MBTD1: variants seen among roughly 807,000 people sequenced by gnomAD.
The protein encoded by MBTD1 is mbt domain containing 1.
MBTD1 carries 24 observed loss-of-function variants against 87.8 expected under a neutral mutation model. The observed-to-expected ratio is 0.27, with a 90% confidence interval of 0.20 to 0.38. The LOEUF (loss-of-function observed/expected upper bound fraction) is 0.38, where lower values mean the gene tolerates loss of function less well. Among genes scored for constraint, MBTD1 ranks in the 10% least tolerant of loss-of-function variants. The pLI is 1.00. For synonymous variants in MBTD1, 237 were observed against 248.6 expected, an observed-to-expected ratio of 0.95 and a Z score of 0.44; for missense variants, 436 against 760.2, an observed-to-expected ratio of 0.57 and a Z score of 5.02.
chr17:51,258,282 T>C (rs1432739743), intron 2 of MBTD1, among the ~76,000 whole-genome samples: 1 of 152,184 alleles, frequency 6.6e-6, no homozygotes, highest in Non-Finnish European at 1.5e-5. Flanking sequence ...GTAATAGGTA[T>C]ATCCAAGATT....
chr17:51,210,692 G>A (rs1038103525), intron 6 of MBTD1, among the ~76,000 whole-genome samples: 7 of 151,780 alleles, frequency 4.6e-5, no homozygotes, highest in Non-Finnish European at 8.8e-5. Flanking sequence ...GGAGGCAGAG[G>A]CTGCAGTGAG....
chr17:51,212,974 T>C (rs1488415215), intron 6 of MBTD1, among the ~76,000 whole-genome samples: 6 of 152,312 alleles, frequency 3.9e-5, no homozygotes, highest in East Asian at 1.9e-4. Context: ...GTGATCCGCC[T>C]GCCTCGGCCT....
At chr17:51,244,437 A>G (rs1453729027) in intron 2 of MBTD1, among the ~76,000 whole-genome samples, 2 of 151,822 alleles carry the variant, frequency 1.3e-5, no homozygotes, top group Non-Finnish European at 2.9e-5. Context: ...TTTTTTCCTG[A>G]GACAGTCTCC....
Position 51,246,261 on chromosome 17 carries a change from TA to T in MBTD1, c.-49+12881del, listed in dbSNP as rs1032305885. Among the ~76,000 whole-genome samples, 7 of 152,262 alleles carry T rather than the reference TA, an allele frequency of 4.6e-5. 1 individual carries two copies. In the East Asian group the frequency reaches 9.6e-4, roughly 21 times the overall value. ...AGCCTGAAGATAATTTTATACAGTATAAAAAAAATTTTGTGCATCAAGTAAG... is the reference window on the plus strand; with the variant it reads ...AGCCTGAAGATAATTTTATACAGTATAAAAAAATTTTGTGCATCAAGTAAG... On this transcript the variant is annotated intron_variant, in intron 2 of 16. Coordinates refer to ENST00000586178, the MANE Select transcript of MBTD1 (RefSeq NM_017643.3).
chr17:51,179,500 A>ATATATATATTTATATT lies in MBTD1; in HGVS notation c.*1075_*1076insAATATAAATATATATA, dbSNP rs2050215536. 16 of 58,530 alleles carry ATATATATATTTATATT rather than the reference A, an allele frequency of 2.7e-4. No individual in the cohort carries two copies. The highest frequency in any genetic ancestry group is 1.4e-3 in the African/African-American group (16 of 11,400). 3.6% of individuals were successfully genotyped at this position (58,530 alleles called of 1,614,324 possible). Reference sequence around the variant, plus strand: ...AAGACAATTTTATATATATATATATATATATATATATATATATATATATAT... The same window carrying ATATATATATTTATATT: ...AAGACAATTTTATATATATATATATATATATATATTTATATTTATATATATATATATATATATATAT... On this transcript the variant is annotated 3_prime_UTR_variant, in exon 17 of 17. Coordinates refer to ENST00000586178, the MANE Select transcript of MBTD1 (RefSeq NM_017643.3).
At chr17:51,260,902 G>T (rs1427398148), upstream of MBTD1, 1 of 1,593,322 alleles carries the variant, frequency 6.3e-7, no homozygotes. Context: ...AGGACGCGTT[G>T]CTGCGGCGTC....
chr17:51,199,207 C>T (rs983803376), intron 12 of MBTD1, among the ~76,000 whole-genome samples: 13 of 151,750 alleles, frequency 8.6e-5, no homozygotes, highest in Non-Finnish European at 5.9e-5. Context: ...CAAGCATTCT[C>T]CTGCCTCAGC....
rs1568136023 is a variant in MBTD1 at position 51,179,510 on chromosome 17, A to ATATATATT, written c.*1065_*1066insAATATATA. 1.5e-4 allele frequency: 14 copies of ATATATATT among 95,728 alleles called. No individual in the cohort carries two copies. Among genetic ancestry groups the ATATATATT allele is most frequent in the South Asian group, 3.2e-4 (1 of 3,080 alleles). 5.9% of individuals were successfully genotyped at this position (95,728 alleles called of 1,614,324 possible). A position where few individuals can be genotyped will look rare whatever the true frequency, so the allele number is the denominator to read the frequency against. On this transcript the variant is annotated 3_prime_UTR_variant, in exon 17 of 17. Coordinates refer to ENST00000586178, the MANE Select transcript of MBTD1 (RefSeq NM_017643.3). ...TATATATATATATATATATATATATATATATATATATATATATATATATAT... is the reference window on the plus strand; with the variant it reads ...TATATATATATATATATATATATATATATATATTTATATATATATATATATATATATAT...
At chr17:51,200,889 C>T (rs963067186) in intron 12 of MBTD1, among the ~76,000 whole-genome samples, 3 of 150,892 alleles carry the variant, frequency 2.0e-5, no homozygotes, top group Admixed American at 1.3e-4. Context: ...TGCTGGGTGC[C>T]GTGGCTCATG....
intron 1 of MBTD1, among the ~76,000 whole-genome samples, 183 bp downstream of exon 1, chr17:51,259,652 G>T (rs1197635075): frequency 6.8e-6 from 1 of 146,668 alleles, no homozygotes; most frequent in Non-Finnish European, 1.5e-5. Context: ...GGGGTGGGGG[G>T]AGGGGAACCC....
intron 2 of MBTD1, among the ~76,000 whole-genome samples, chr17:51,254,497 C>T (rs2054969876): frequency 6.6e-6 from 1 of 151,936 alleles, no homozygotes; most frequent in Admixed American, 6.6e-5. Context: ...GGAAAAGTAC[C>T]CAGGAGAATG....
chr17:51,214,270 G>A (rs745559812), intron 6 of MBTD1, among the ~76,000 whole-genome samples: 1 of 152,018 alleles, frequency 6.6e-6, no homozygotes, highest in African/African-American at 2.4e-5. Context: ...CCCAGCCTAA[G>A]TAGAAATATT....
intron 12 of MBTD1, among the ~76,000 whole-genome samples, chr17:51,199,870 G>A (rs1420753701): frequency 6.6e-6 from 1 of 151,392 alleles, no homozygotes; most frequent in Non-Finnish European, 1.5e-5. Context: ...TGTCACCCAG[G>A]CTGGAGTGCA....
intron 16 of MBTD1, among the ~76,000 whole-genome samples, chr17:51,190,031 G>A (rs1028005450): frequency 1.8e-4 from 27 of 152,172 alleles, no homozygotes; most frequent in Admixed American, 1.8e-3. Context: ...CATGGGTTTT[G>A]TGCTGGGAGA....
In MBTD1 at chr17:51,259,977, GACCGGTGGCGGGT is replaced by G; in HGVS notation, c.-268_-256del. 1.2e-6 allele frequency: 1 copy of G among 862,568 alleles called. No homozygotes were observed. The highest frequency in any genetic ancestry group is 1.5e-6 in the Non-Finnish European group (1 of 650,772). 53.4% of individuals were successfully genotyped at this position (862,568 alleles called of 1,614,324 possible). On this transcript the variant is annotated 5_prime_UTR_variant, in exon 1 of 17. Coordinates refer to ENST00000586178, the MANE Select transcript of MBTD1 (RefSeq NM_017643.3). Reference sequence around the variant, plus strand: ...TACAGGGGGCCCCCGGCTGGGCCCAGACCGGTGGCGGGTGCAGCAGCCCCCGGATTTCCCCCCT... The same window carrying G: ...TACAGGGGGCCCCCGGCTGGGCCCAGGCAGCAGCCCCCGGATTTCCCCCCT...
At chr17:51,253,479 C>CA (rs2144243178) in intron 2 of MBTD1, among the ~76,000 whole-genome samples, 1 of 152,100 alleles carries the variant, frequency 6.6e-6, no homozygotes, top group South Asian at 2.1e-4. Flanking sequence ...AAATAAATCA[C>CA]AATATATAGT....
rs776836227 is a variant in MBTD1 at position 51,202,799 on chromosome 17, C to T, written c.965G>A (p.Ser322Asn). 6.8e-6 allele frequency: 11 copies of T among 1,613,998 alleles called. No homozygotes were observed. The highest frequency in any genetic ancestry group is 5.0e-5 in the Admixed American group (3 of 59,992). ...GGRLRLVYEE[S>N]EDRTDDFWCH... ...CCAGAAGTCATCTGTTCTATCTTCG[C>T]TTTCTTCATACACTAGTCTTAATCT... is the stretch of plus-strand genomic sequence containing the variant. Residue 322 changes from serine to asparagine, a missense_variant, in exon 10 of 17, where the codon AGC (serine) becomes AAC (asparagine). Physicochemically the swap from Ser to Asn is conservative, Grantham distance 46. Coordinates refer to ENST00000586178, the MANE Select transcript of MBTD1 (RefSeq NM_017643.3).
At chr17:51,207,960 G>T (rs1407029197) in intron 6 of MBTD1, among the ~76,000 whole-genome samples, 6 of 152,140 alleles carry the variant, frequency 3.9e-5, no homozygotes, top group African/African-American at 1.4e-4. Flanking sequence ...ATTATGTGAG[G>T]TTATAAAAGA....
chr17:51,244,610 A>G (rs1340874276), intron 2 of MBTD1, among the ~76,000 whole-genome samples: 2 of 151,962 alleles, frequency 1.3e-5, no homozygotes, highest in Admixed American at 1.3e-4. Flanking sequence ...GTTTCACCAT[A>G]TTGACCAGGC....
Sources: gnomAD v4.1 joint callset for allele counts (sites outside exome capture counted in the v4.1 genomes callset) on GRCh38, gnomAD v4.1.1 for gene constraint, MANE v1.5 for transcripts, NCBI Gene and HGNC (gene_info 2026-07-23, HGNC 2026-07-21) for gene names.